Variants in NPY5R observed in about 807,000 individuals in gnomAD.
NPY5R encodes neuropeptide Y receptor type 5.
NPY5R carries 21 observed loss-of-function variants against 24.8 expected under a neutral mutation model. That is an observed-to-expected ratio of 0.85 (90% CI 0.60 to 1.22). The LOEUF is 1.22. NPY5R is among the 50% of genes most tolerant of loss of function. The pLI is 0.00. For synonymous variants in NPY5R, 175 were observed against 183.0 expected (o/e 0.96, Z 0.35); for missense variants, 481 against 521.3 (o/e 0.92, Z 0.75).
At position 163,350,773 on chromosome 4, in the gene NPY5R, G is replaced by A; in HGVS notation, c.500G>A (p.Gly167Asp). 1 of 1,614,172 alleles carries A rather than the reference G, an allele frequency of 6.2e-7. No homozygotes were observed. The highest frequency in any genetic ancestry group is 8.5e-7 in the Non-Finnish European group (1 of 1,180,028). The part of the protein sequence containing the change: ...YFLIATVWTL[G>D]FAICSPLPVF... The stretch of plus-strand genomic sequence containing the variant: ...CTGATAGCTACTGTCTGGACACTAG[G>A]TTTTGCCATCTGTTCTCCCCTTCCA... Residue 167 changes from glycine (G) to aspartate (D), a missense_variant, in exon 4 of 4, where the codon GGT becomes GAT. Physicochemically the swap from Gly to Asp is moderately conservative, Grantham distance 94 (BLOSUM62 -1). Coordinates refer to ENST00000338566, the MANE Select transcript of NPY5R (RefSeq NM_006174.4).
Position 163,350,462 on chromosome 4 carries a change from A to T in NPY5R, c.189A>T (p.Leu63Phe). The T allele has an allele frequency of 6.2e-7, 1 of 1,613,946 alleles. No homozygotes were observed. The highest frequency in any genetic ancestry group is 8.5e-7 in the Non-Finnish European group (1 of 1,179,824). Reference sequence around the variant, plus strand: ...GCTTTATGGGGAATCTACTTATTTTAATGGCTCTCATGAAAAAGCGTAATC... The same window carrying T: ...GCTTTATGGGGAATCTACTTATTTTTATGGCTCTCATGAAAAAGCGTAATC... Reference protein sequence around the residue: ...LLGFMGNLLILMALMKKRNQK... With the variant: ...LLGFMGNLLIFMALMKKRNQK... The change falls in exon 4 of 4, where the codon TTA becomes TTT. Residue 63 changes from leucine to phenylalanine, a missense_variant. Physicochemically the swap from Leu to Phe is conservative, Grantham distance 22 (BLOSUM62 0). Coordinates refer to ENST00000338566, the MANE Select transcript of NPY5R (RefSeq NM_006174.4).
At chr4:163,348,157 T>C (rs777201216) in intron 3 of NPY5R, among the ~76,000 whole-genome samples, 5 of 152,174 alleles carry the variant, frequency 3.3e-5, no homozygotes, top group Non-Finnish European at 5.9e-5. Flanking sequence ...ATTTTTATAG[T>C]TTTAGTATAA....
intron 3 of NPY5R, 71 bp from the exon 4 acceptor site, chr4:163,350,194 G>T (rs1735425956): frequency 8.8e-7 from 1 of 1,130,096 alleles, no homozygotes; most frequent in African/African-American, 1.6e-5. Flanking sequence ...GTTTCCCTCT[G>T]AATAGATTAA....
At position 163,351,697 on chromosome 4, in the gene NPY5R, A is replaced by G; in HGVS notation, c.*86A>G. ...ATAACTATTTACATATAATAAATAG[A>G]AATTTTGTTAACATGGAATTTAATT... On this transcript the variant is annotated 3_prime_UTR_variant, in exon 4 of 4. Coordinates refer to ENST00000338566, the MANE Select transcript of NPY5R (RefSeq NM_006174.4). 4.4e-6 allele frequency: 4 copies of G among 911,048 alleles called. No homozygotes were observed. Among genetic ancestry groups the G allele is most frequent in the Non-Finnish European group, 4.7e-6 (3 of 642,676 alleles). 56.4% of individuals were successfully genotyped at this position (911,048 alleles called of 1,614,324 possible).
intron 2 of NPY5R, 82 bp from the exon 3 acceptor site, chr4:163,347,370 T>C (rs1156805982): frequency 2.0e-5 from 3 of 152,228 alleles, no homozygotes; most frequent in Non-Finnish European, 2.9e-5. Flanking sequence ...ACTAAGTAAG[T>C]ATCATCCACA....
chr4:163,346,131 A>G (rs915893377), intron 2 of NPY5R, among the ~76,000 whole-genome samples: 3 of 152,200 alleles, frequency 2.0e-5, no homozygotes, highest in Admixed American at 2.0e-4. Context: ...CTACAGTCAC[A>G]CCAAAATAAA....
At chr4:163,352,106 T>C (rs1735517756), downstream of NPY5R, among the ~76,000 whole-genome samples, 1 of 152,172 alleles carries the variant, frequency 6.6e-6, no homozygotes, top group African/African-American at 2.4e-5. Context: ...AAATCACAAC[T>C]AAATGACAGA....
intron 2 of NPY5R, among the ~76,000 whole-genome samples, chr4:163,346,259 T>G (rs1735244966): frequency 6.6e-6 from 1 of 152,196 alleles, no homozygotes; most frequent in Non-Finnish European, 1.5e-5. Flanking sequence ...CATGTGTCCA[T>G]GCTATAGAGA....
chr4:163,351,435 C>A lies in NPY5R; in HGVS notation c.1162C>A (p.His388Asn), dbSNP rs868723897. ...AVSWMPLHLF[H>N]VVTDFNDNLI... Reference sequence around the variant, plus strand: ...TAGTTGGATGCCACTACACCTTTTCCATGTGGTAACTGATTTTAATGACAA... The same window carrying A: ...TAGTTGGATGCCACTACACCTTTTCAATGTGGTAACTGATTTTAATGACAA... Residue 388 changes from histidine (H) to asparagine (N), a missense_variant, in exon 4 of 4, where the codon CAT (histidine) becomes AAT (asparagine). Physicochemically the swap from His to Asn is moderately conservative, Grantham distance 68 (BLOSUM62 1). Transcript: ENST00000338566. 6.2e-7 allele frequency: 1 copy of A among 1,613,504 alleles called. No homozygotes were observed. The highest frequency in any genetic ancestry group is 8.5e-7 in the Non-Finnish European group (1 of 1,179,620).
rs1725163196 is a variant in NPY5R, at chr4:163,345,766, G to GA, written c.-81+19dup. ...AGGAAGGGAAAGGGTAAGTTTAATG[G>GA]AAAAAATCCTGCTTTTTTGTTTGTT... On this transcript the variant is annotated intron_variant, in intron 2 of 3. Coordinates refer to ENST00000338566, the MANE Select transcript of NPY5R (RefSeq NM_006174.4). 2 of 152,072 alleles carry GA rather than the reference G, an allele frequency of 1.3e-5. No individual in the cohort carries two copies. The highest frequency in any genetic ancestry group is 1.9e-4 in the East Asian group (1 of 5,202). 9.4% of individuals were successfully genotyped at this position (152,072 alleles called of 1,614,324 possible). A position where few individuals can be genotyped will look rare whatever the true frequency, so the allele number is the denominator to read the frequency against.
Position 163,350,531 on chromosome 4 carries a change from T to G in NPY5R, c.258T>G (p.Ser86=). ...VNFLIGNLAF[S]DILVVLFCSP... is the part of the protein sequence containing the mutation. The stretch of plus-strand genomic sequence containing the variant: ...TCCTCATAGGCAATCTGGCCTTTTC[T>G]GATATCTTGGTTGTGCTGTTTTGCT... Residue 86 remains serine (S), a synonymous_variant, in exon 4 of 4, where the codon TCT becomes TCG. Transcript: ENST00000338566. The G allele has an allele frequency of 6.2e-7, 1 of 1,614,242 alleles. No individual in the cohort carries two copies. Among genetic ancestry groups the G allele is most frequent in the Non-Finnish European group, 8.5e-7 (1 of 1,180,034 alleles).
rs1008785956 is a variant in NPY5R, at chr4:163,351,825, A to G, written c.*214A>G. The G allele has an allele frequency of 2.8e-6, 1 of 360,024 alleles. No individual in the cohort carries two copies. Among genetic ancestry groups the G allele is most frequent in the African/African-American group, 2.1e-5 (1 of 47,548 alleles). The allele number at this position is 360,024 out of a possible 1,614,324, so 22.3% of individuals were successfully genotyped here. ...TTATTTAGTTGTGCAGTCAGTGTCA[A>G]TCCAATCTGTAATTTCACTTTAGAA... is the stretch of plus-strand genomic sequence containing the variant. On this transcript the variant is annotated 3_prime_UTR_variant, in exon 4 of 4. Coordinates refer to ENST00000338566, the MANE Select transcript of NPY5R (RefSeq NM_006174.4).
At chr4:163,344,973 A>C (rs183538235) in intron 1 of NPY5R, 3 of 152,332 alleles carry the variant, frequency 2.0e-5, no homozygotes, top group Admixed American at 2.0e-4. Flanking sequence ...TTCTGGCTTT[A>C]AGAACAAACC....
chr4:163,350,633 T>G lies in NPY5R; in HGVS notation c.360T>G (p.Leu120=). The G allele has an allele frequency of 6.2e-7, 1 of 1,614,188 alleles. No homozygotes were observed. The highest frequency in any genetic ancestry group is 8.5e-7 in the Non-Finnish European group (1 of 1,180,032). The change falls in exon 4 of 4, where the codon CTT becomes CTG. Residue 120 remains leucine, a synonymous_variant. Transcript: ENST00000338566. The part of the protein sequence containing the change: ...GKVMCHIMPF[L]QCVSVLVSTL... The stretch of plus-strand genomic sequence containing the variant: ...TCATGTGCCATATTATGCCTTTTCT[T>G]CAATGTGTGTCAGTTTTGGTTTCAA...
intron 2 of NPY5R, among the ~76,000 whole-genome samples, chr4:163,346,714 C>G (rs1735269139): frequency 1.3e-5 from 2 of 152,066 alleles, no homozygotes; most frequent in South Asian, 4.2e-4. Context: ...TTAATGCATT[C>G]AATATTTTAT....
At chr4:163,347,304 C>A (rs1414004728) in intron 2 of NPY5R, 148 bp from the exon 3 acceptor site, 1 of 152,164 alleles carries the variant, frequency 6.6e-6, no homozygotes, top group Non-Finnish European at 1.5e-5. Context: ...GTTTCTATTA[C>A]CACAAATTGT....
intron 3 of NPY5R, among the ~76,000 whole-genome samples, chr4:163,349,615 T>G (rs892307273): frequency 5.9e-5 from 9 of 152,232 alleles, no homozygotes; most frequent in Non-Finnish European, 1.5e-5. Context: ...GAGAATAATA[T>G]TAATGAGTGA....
chr4:163,350,955 A>C lies in NPY5R; in HGVS notation c.682A>C (p.Thr228Pro). The change falls in exon 4 of 4, where the codon ACT (threonine) becomes CCT (proline). Residue 228 changes from threonine (T) to proline (P), a missense_variant. By Grantham distance (38) the Thr-to-Pro change is conservative (BLOSUM62 -1). Transcript: ENST00000338566. ...VQYILPLVCL[T>P]VSHTSVCRSI... ...GTATATTCTGCCCTTAGTTTGTCTTACTGTAAGTCATACAAGTGTCTGCAG... is the reference window on the plus strand; with the variant it reads ...GTATATTCTGCCCTTAGTTTGTCTTCCTGTAAGTCATACAAGTGTCTGCAG... 1.2e-6 allele frequency: 2 copies of C among 1,613,924 alleles called. No homozygotes were observed. Among genetic ancestry groups the C allele is most frequent in the Non-Finnish European group, 1.7e-6 (2 of 1,180,000 alleles).
chr4:163,349,369 G>T (rs1735385319), intron 3 of NPY5R: 1 of 952,908 alleles, frequency 1.0e-6, no homozygotes, highest in Non-Finnish European at 1.2e-6. Context: ...CTTTTCCATT[G>T]CTTGTAAATA....
Sources: gnomAD v4.1 joint callset for allele counts (sites outside exome capture counted in the v4.1 genomes callset) on GRCh38, gnomAD v4.1.1 for gene constraint, MANE v1.5 for transcripts, NCBI Gene and HGNC (gene_info 2026-07-23, HGNC 2026-07-21) for gene names.